The following CCSER1 variants were observed in gnomAD, a reference collection of about 807,000 sequenced individuals.
CCSER1 encodes the protein coiled-coil serine rich protein 1.
A neutral mutation model predicts 82.0 loss-of-function variants in CCSER1; 41 were observed. The ratio of observed to expected loss-of-function variants is 0.50; its 90% CI spans 0.39 to 0.65. The LOEUF (loss-of-function observed/expected upper bound fraction) is 0.65. Among genes scored for constraint, CCSER1 ranks in the 30% least tolerant of loss-of-function variants. The pLI is 0.00. For missense variants in CCSER1, 1,119 were observed against 1,064.2 expected (o/e 1.05, Z -0.72); for synonymous variants, 414 against 383.9 (o/e 1.08, Z -0.92).
chr4:91,347,004 T>C (rs575109468), intron 10 of CCSER1, among the ~76,000 whole-genome samples: 4 of 134,210 alleles, frequency 3.0e-5, no homozygotes, highest in African/African-American at 1.2e-4. Flanking sequence ...ACTTATGAGT[T>C]TTTTTTTGTT....
At chr4:90,524,480 T>C (rs901532256) in intron 5 of CCSER1, among the ~76,000 whole-genome samples, 2 of 152,122 alleles carry the variant, frequency 1.3e-5, no homozygotes, top group South Asian at 4.1e-4. Flanking sequence ...TGTTGTTTGT[T>C]TGTTTTTGAG....
At chr4:90,303,748 C>G (rs1283493722) in intron 1 of CCSER1, among the ~76,000 whole-genome samples, 3 of 152,154 alleles carry the variant, frequency 2.0e-5, no homozygotes, top group African/African-American at 7.2e-5. Flanking sequence ...TGCGCAAGGA[C>G]TTCATGTCTA....
At chr4:90,898,622 A>G (rs1413172381) in intron 8 of CCSER1, among the ~76,000 whole-genome samples, 2 of 151,702 alleles carry the variant, frequency 1.3e-5, no homozygotes, top group African/African-American at 4.8e-5. Flanking sequence ...TAATTTTTGT[A>G]GTATGTTGAG....
intron 10 of CCSER1, among the ~76,000 whole-genome samples, chr4:91,168,546 C>T (rs992032864): frequency 1.4e-5 from 2 of 147,616 alleles, no homozygotes; most frequent in African/African-American, 5.1e-5. Flanking sequence ...AGTGCCTCTG[C>T]CCGGCTGCCC....
intron 1 of CCSER1, among the ~76,000 whole-genome samples, chr4:90,232,405 A>T (rs1487046193): frequency 6.6e-6 from 1 of 152,096 alleles, no homozygotes; most frequent in African/African-American, 2.4e-5. Flanking sequence ...GGTGCTAGGA[A>T]AACTGGCTAG....
At chr4:90,885,784 C>T (rs368422257) in intron 8 of CCSER1, among the ~76,000 whole-genome samples, 15 of 152,272 alleles carry the variant, frequency 9.9e-5, no homozygotes, top group African/African-American at 3.6e-4. Flanking sequence ...ATCAAATCAT[C>T]AACTGTTACA....
In CCSER1 at chr4:90,460,101, C is replaced by T. The variant is rs186570497; in HGVS notation, c.1604-8133C>T. 1.0e-2 allele frequency among the ~76,000 whole-genome samples: 1,506 copies of T among 150,780 alleles called. 91 individuals are homozygous for T. The highest frequency in any genetic ancestry group is 0.034 in the African/African-American group (1,369 of 40,432). On this transcript the variant is annotated intron_variant, in intron 4 of 10. Coordinates refer to ENST00000509176, the MANE Select transcript of CCSER1 (RefSeq NM_001145065.2). Reference sequence around the variant, plus strand: ...CAGCACTTTGGGAGGCCAAGACGGGCGGATCACGAGGTCAGGAGATCGAGA... The same window carrying T: ...CAGCACTTTGGGAGGCCAAGACGGGTGGATCACGAGGTCAGGAGATCGAGA...
At chr4:90,717,294 A>G (rs1741795514) in intron 6 of CCSER1, among the ~76,000 whole-genome samples, 1 of 152,184 alleles carries the variant, frequency 6.6e-6, no homozygotes, top group African/African-American at 2.4e-5. Context: ...AATGTTAACA[A>G]GTGAAATGAA....
intron 5 of CCSER1, among the ~76,000 whole-genome samples, chr4:90,580,425 C>T (rs1249169029): frequency 1.3e-5 from 2 of 152,124 alleles, no homozygotes; most frequent in East Asian, 1.9e-4. Flanking sequence ...AAGTATGCAG[C>T]GTCTGTGTGA....
At chr4:90,147,773 T>C (rs17016562) in intron 1 of CCSER1, among the ~76,000 whole-genome samples, 42,951 of 151,326 alleles carry the variant, frequency 0.28, 7,679 homozygotes, top group East Asian at 0.65. Context: ...AATGTGCCCT[T>C]AAAAAAAAAG....
At chr4:91,120,029 TG>T (rs1726948882) in intron 10 of CCSER1, among the ~76,000 whole-genome samples, 1 of 152,016 alleles carries the variant, frequency 6.6e-6, no homozygotes, top group Admixed American at 6.6e-5. Flanking sequence ...GAGTTATATG[TG>T]ATGACTAAAA....
At chr4:90,171,683 T>C (rs1343106016) in intron 1 of CCSER1, among the ~76,000 whole-genome samples, 1 of 151,886 alleles carries the variant, frequency 6.6e-6, no homozygotes, top group Non-Finnish European at 1.5e-5. Flanking sequence ...CTTCTTTACT[T>C]AGCAGCACAA....
intron 10 of CCSER1, among the ~76,000 whole-genome samples, chr4:91,166,331 G>A (rs569406908): frequency 1.2e-4 from 19 of 152,178 alleles, no homozygotes; most frequent in South Asian, 1.2e-3. Flanking sequence ...CACCAACTAT[G>A]TGTCAGTCAC....
At chr4:91,500,098 A>G (rs552619049) in intron 10 of CCSER1, among the ~76,000 whole-genome samples, 5 of 152,206 alleles carry the variant, frequency 3.3e-5, no homozygotes, top group Non-Finnish European at 7.4e-5. Flanking sequence ...CCAGCATTGA[A>G]TAAGAGGTCC....
chr4:91,542,548 T>C (rs548252798), intron 10 of CCSER1, among the ~76,000 whole-genome samples: 2 of 152,290 alleles, frequency 1.3e-5, no homozygotes, highest in African/African-American at 4.8e-5. Context: ...TCTGCCTTCA[T>C]TTTGTTATGT....
chr4:90,240,849 AT>A (rs1027590189), intron 1 of CCSER1, among the ~76,000 whole-genome samples: 5 of 151,984 alleles, frequency 3.3e-5, no homozygotes, highest in Non-Finnish European at 5.9e-5. Context: ...GCCTGTGCTT[AT>A]TTTTCACCAT....
At chr4:91,207,197 A>G (rs1736418251) in intron 10 of CCSER1, among the ~76,000 whole-genome samples, 1 of 151,842 alleles carries the variant, frequency 6.6e-6, no homozygotes. Context: ...GGAACAATTA[A>G]GAGTTTCCTT....
At chr4:91,173,390 C>T (rs376012737) in intron 10 of CCSER1, among the ~76,000 whole-genome samples, 2 of 151,982 alleles carry the variant, frequency 1.3e-5, no homozygotes, top group East Asian at 1.9e-4. Flanking sequence ...GTCAGGAGAT[C>T]GAGACCATCT....
intron 5 of CCSER1, among the ~76,000 whole-genome samples, chr4:90,535,386 AC>A (rs1338284535): frequency 6.6e-6 from 1 of 152,122 alleles, no homozygotes; most frequent in Non-Finnish European, 1.5e-5. Context: ...GGAATTTAAG[AC>A]CAGACCGGAC....
Sources: allele counts gnomAD v4.1 joint callset (sites outside exome capture counted in the v4.1 genomes callset), GRCh38; gene constraint gnomAD v4.1.1; transcripts MANE v1.5; gene names NCBI Gene and HGNC (gene_info 2026-07-23, HGNC 2026-07-21).